ATRN: variants seen among roughly 807,000 people sequenced by gnomAD.
ATRN encodes attractin-2.
Under a neutral mutation model 178.7 loss-of-function variants are expected in ATRN, and 54 were observed. The observed-to-expected ratio is 0.30, with a 90% CI of 0.24 to 0.38. ATRN has a LOEUF of 0.38. Ranked by LOEUF, ATRN falls within the 10% of genes least tolerant of loss-of-function variation. ATRN has a pLI of 1.00. For synonymous variants in ATRN, 636 were observed against 663.0 expected, an observed-to-expected ratio of 0.96 and a Z score of 0.63; for missense variants, 1,443 against 1,815.1, an observed-to-expected ratio of 0.79 and a Z score of 3.73.
intron 11 of ATRN, among the ~76,000 whole-genome samples, chr20:3,571,403 T>C (rs80100813): frequency 0.047 from 7,221 of 152,292 alleles, 518 homozygotes; most frequent in African/African-American, 0.16. Flanking sequence ...GCTAGACTTC[T>C]AGAAATGTGA....
chr20:3,627,576 A>G (rs2086952251), intron 25 of ATRN, among the ~76,000 whole-genome samples: 1 of 152,224 alleles, frequency 6.6e-6, no homozygotes, highest in African/African-American at 2.4e-5. Flanking sequence ...AAGATTAACC[A>G]AGGAAAAAAG....
chr20:3,599,632 A>T (rs889249768), intron 22 of ATRN, among the ~76,000 whole-genome samples: 4 of 152,220 alleles, frequency 2.6e-5, no homozygotes, highest in African/African-American at 9.7e-5. Context: ...TATTTGCAAG[A>T]TGTGAAACCT....
chr20:3,493,061 A>G (rs2084827951), intron 1 of ATRN, among the ~76,000 whole-genome samples: 1 of 146,690 alleles, frequency 6.8e-6, no homozygotes, highest in Non-Finnish European at 1.5e-5. Flanking sequence ...TATGTATTAT[A>G]GATTATATAT....
chr20:3,543,116 C>G (rs960390437), intron 3 of ATRN, among the ~76,000 whole-genome samples: 4 of 152,214 alleles, frequency 2.6e-5, no homozygotes, highest in African/African-American at 9.7e-5. Context: ...TTCACCCTTT[C>G]TAAAGTAGCA....
chr20:3,622,161 T>C (rs1158347200), intron 24 of ATRN, among the ~76,000 whole-genome samples: 1 of 152,242 alleles, frequency 6.6e-6, no homozygotes, highest in African/African-American at 2.4e-5. Context: ...AGCTCCATCA[T>C]GGAGTCCTTC....
chr20:3,576,878 A>G lies in ATRN; in HGVS notation c.2234A>G (p.Glu745Gly), dbSNP rs148152416. 1,428 of 1,614,070 alleles carry G rather than the reference A, an allele frequency of 8.8e-4. 11 individuals are homozygous for G. In the African/African-American group the frequency reaches 0.016, roughly 19 times the overall value. The change falls in exon 14 of 29, where the codon GAG (glutamate) becomes GGG (glycine). Residue 745 changes from glutamate to glycine, a missense_variant. Physicochemically the swap from Glu to Gly is moderately conservative, Grantham distance 98. Around this residue, in one of 4 missense-constraint regions of ATRN, gnomAD observed 862 missense variants for 972.1 expected, o/e 0.89. Transcript: ENST00000262919. ...SEGQISIFRY[E>G]NCPKDNPMYY... The stretch of plus-strand genomic sequence containing the variant: ...TTCTAGATCTCCATTTTTAGGTATG[A>G]GAATTGCCCCAAGGATAACCCCATG...
intron 1 of ATRN, among the ~76,000 whole-genome samples, chr20:3,510,541 A>T (rs2085111912): frequency 6.6e-6 from 1 of 152,070 alleles, no homozygotes; most frequent in African/African-American, 2.4e-5. Flanking sequence ...TTTTAATGAT[A>T]TTGACATTCT....
intron 1 of ATRN, among the ~76,000 whole-genome samples, chr20:3,523,416 G>A (rs1027582479): frequency 1.3e-5 from 2 of 152,150 alleles, no homozygotes; most frequent in Non-Finnish European, 2.9e-5. Context: ...ATGGGACTAT[G>A]TGAAAAGACC....
intron 25 of ATRN, chr20:3,629,082 A>AG: frequency 1.0e-6 from 1 of 984,662 alleles, no homozygotes; most frequent in Non-Finnish European, 1.2e-6. Flanking sequence ...CTCAGCAGGC[A>AG]CTCCCTTACC....
At chr20:3,548,798 G>A (rs1036328737) in intron 5 of ATRN, among the ~76,000 whole-genome samples, 1 of 152,062 alleles carries the variant, frequency 6.6e-6, no homozygotes, top group Non-Finnish European at 1.5e-5. Flanking sequence ...GTGGATTTTG[G>A]TACCAAGGGC....
chr20:3,578,849 G>A (rs2086245219), intron 15 of ATRN, 77 bp downstream of exon 15: 1 of 1,372,592 alleles, frequency 7.3e-7, no homozygotes, highest in South Asian at 1.4e-5. Flanking sequence ...CTTGCATGTG[G>A]AAGGCTGTGG....
intron 11 of ATRN, among the ~76,000 whole-genome samples, chr20:3,565,727 G>T (rs1416370349): frequency 6.8e-6 from 1 of 146,782 alleles, no homozygotes; most frequent in Non-Finnish European, 1.5e-5. Context: ...GAACCAGGGA[G>T]TTGGAGGTTG....
chr20:3,526,655 T>G (rs1379039891), intron 1 of ATRN, among the ~76,000 whole-genome samples: 1 of 152,164 alleles, frequency 6.6e-6, no homozygotes, highest in African/African-American at 2.4e-5. Flanking sequence ...AGAACAAAGC[T>G]GGAGGCATCT....
Position 3,638,884 on chromosome 20 carries a change from C to T in ATRN, c.3999C>T (p.Val1333=), listed in dbSNP as rs375039387. 3.0e-5 allele frequency: 48 copies of T among 1,614,122 alleles called. No homozygotes were observed. The East Asian group carries it at 4.7e-4, about 16-fold the overall frequency. ...GCCGTCCCTTTGCCTCTGTAAATGT[C>T]GCCTTGGAAACAGATGAGGAGCCTC... ...MASRPFASVN[V]ALETDEEPPD... Residue 1333 remains valine, a synonymous_variant, in exon 27 of 29, where the codon GTC becomes GTT. Transcript: ENST00000262919. The surrounding 1 kb of genome is among the most constrained non-coding windows in gnomAD (Gnocchi z 4.5).
intron 1 of ATRN, among the ~76,000 whole-genome samples, chr20:3,519,152 T>C (rs1230515814): frequency 2.6e-5 from 4 of 151,916 alleles, no homozygotes; most frequent in African/African-American, 9.7e-5. Context: ...TAGCACCCAT[T>C]TATGTAGTGT....
At chr20:3,516,174 T>G (rs1360434353) in intron 1 of ATRN, among the ~76,000 whole-genome samples, 1 of 152,086 alleles carries the variant, frequency 6.6e-6, no homozygotes, top group East Asian at 1.9e-4. Context: ...TGAGAGAAAA[T>G]AAGGTGTAAA....
intron 24 of ATRN, among the ~76,000 whole-genome samples, chr20:3,614,318 A>T (rs2086809430): frequency 6.6e-6 from 1 of 152,168 alleles, no homozygotes; most frequent in African/African-American, 2.4e-5. Context: ...GGTATTCAAG[A>T]TAGAAGATGG....
At chr20:3,526,234 C>G (rs2085362657) in intron 1 of ATRN, among the ~76,000 whole-genome samples, 1 of 152,182 alleles carries the variant, frequency 6.6e-6, no homozygotes, top group South Asian at 2.1e-4. Context: ...GCAAAAATCA[C>G]AAGCATTCCT....
At chr20:3,483,837 T>C (rs190754742) in intron 1 of ATRN, among the ~76,000 whole-genome samples, 4 of 152,286 alleles carry the variant, frequency 2.6e-5, no homozygotes, top group Middle Eastern at 3.4e-3. Flanking sequence ...AGAGATACAA[T>C]TTCTGTATAT....
Sources: gnomAD v4.1 joint callset for allele counts (sites outside exome capture counted in the v4.1 genomes callset) on GRCh38, gnomAD v4.1.1 for gene constraint, gnomAD v4.1.1 regional missense constraint, Gnocchi (gnomAD v3.1) non-coding constraint, MANE v1.5 for transcripts, NCBI Gene and HGNC (gene_info 2026-07-23, HGNC 2026-07-21) for gene names.